The following FAM117A variants were observed in gnomAD, a reference collection of about 807,000 sequenced individuals.
The protein encoded by FAM117A is family with sequence similarity 117 member A.
A neutral mutation model predicts 44.1 loss-of-function variants in FAM117A; 21 were observed. That is an observed-to-expected ratio of 0.48 (90% CI 0.34 to 0.69). FAM117A has a LOEUF of 0.69. Among genes scored for constraint, FAM117A ranks in the 30% least tolerant of loss-of-function variants. FAM117A has a pLI of 0.01. For synonymous variants in FAM117A, 220 were observed against 238.3 expected (o/e 0.92, Z 0.71); for missense variants, 498 against 589.9 (o/e 0.84, Z 1.61).
At position 49,716,283 on chromosome 17, in the gene FAM117A, C is replaced by T. The variant is rs151199188; in HGVS notation, c.943G>A (p.Asp315Asn). Reference sequence around the variant, plus strand: ...GCAAGGACTGGAGATGGGCTGCCATCTTCAAGAAAGGCTGGGTGTCCTGGA... The same window carrying T: ...GCAAGGACTGGAGATGGGCTGCCATTTTCAAGAAAGGCTGGGTGTCCTGGA... ...SSPGHPAFLE[D>N]GSPSPVLAFA... Residue 315 changes from aspartate (D) to asparagine (N), a missense_variant, in exon 7 of 8, where the codon GAT becomes AAT. By Grantham distance (23) the Asp-to-Asn change is conservative (BLOSUM62 1). Transcript: ENST00000240364. 1.9e-4 allele frequency: 299 copies of T among 1,606,058 alleles called. 2 individuals are homozygous for T. The highest frequency in any genetic ancestry group is 1.5e-3 in the Middle Eastern group (9 of 6,024).
chr17:49,742,292 G>T (rs1213660279), intron 1 of FAM117A, among the ~76,000 whole-genome samples: 1 of 152,150 alleles, frequency 6.6e-6, no homozygotes, highest in Non-Finnish European at 1.5e-5. Flanking sequence ...ATATCTGTAG[G>T]CAGCTGGAGA....
chr17:49,763,848 C>T (rs1037022488), intron 1 of FAM117A, 44 bp downstream of exon 1: 7 of 1,102,430 alleles, frequency 6.3e-6, no homozygotes, highest in African/African-American at 4.9e-5. Context: ...GCCCCCCCTC[C>T]CCCAATGGCT....
chr17:49,710,852 C>T lies in FAM117A; in HGVS notation c.*403G>A, dbSNP rs2143680696. ...GGATGGGGGATCTATCTTATGGTCT[C>T]CTGGAGGAGAGGGAAGGAAATCTGT... On this transcript the variant is annotated 3_prime_UTR_variant, in exon 8 of 8. Transcript: ENST00000240364. 6.0e-6 allele frequency: 1 copy of T among 168,028 alleles called. No homozygotes were observed. Among genetic ancestry groups the T allele is most frequent in the South Asian group, 1.4e-4 (1 of 7,278 alleles). 10.4% of individuals were successfully genotyped at this position (168,028 alleles called of 1,614,324 possible).
chr17:49,746,601 T>C (rs976924410), intron 1 of FAM117A, among the ~76,000 whole-genome samples: 2 of 152,206 alleles, frequency 1.3e-5, no homozygotes, highest in African/African-American at 2.4e-5. Context: ...ACCAAGACTA[T>C]AGGCAGAATT....
intron 1 of FAM117A, among the ~76,000 whole-genome samples, chr17:49,780,627 C>T (rs2073786942): frequency 6.6e-6 from 1 of 152,162 alleles, no homozygotes; most frequent in Admixed American, 6.5e-5. Context: ...GTCTCAGCCT[C>T]CGAAAAGTGC....
intron 1 of FAM117A, among the ~76,000 whole-genome samples, chr17:49,740,338 C>T (rs1329451387): frequency 6.6e-6 from 1 of 152,050 alleles, no homozygotes; most frequent in South Asian, 2.1e-4. Context: ...CAAGCTCCGC[C>T]TCCCGGGTTC....
rs1437773608 is a variant in FAM117A at position 49,711,303 on chromosome 17, G to T, written c.1314C>A (p.Thr438=). ...SPLPFEPWQR[T]PPSEEPVLFQ... ...AAAGCACAGGCTCTTCTGATGGTGG[G>T]GTGCGCTGCCATGGCTCGAATGGCA... is the stretch of plus-strand genomic sequence containing the variant. The change falls in exon 8 of 8, where the codon ACC becomes ACA. Residue 438 remains threonine (T), a synonymous_variant. Coordinates refer to ENST00000240364, the MANE Select transcript of FAM117A (RefSeq NM_030802.4). 1.2e-6 allele frequency: 2 copies of T among 1,610,322 alleles called. No individual in the cohort carries two copies. Among genetic ancestry groups the T allele is most frequent in the Admixed American group, 3.3e-5 (2 of 59,782 alleles).
intron 1 of FAM117A, among the ~76,000 whole-genome samples, chr17:49,783,250 A>C (rs1598040425): frequency 1.3e-5 from 2 of 152,198 alleles, no homozygotes; most frequent in Non-Finnish European, 2.9e-5. Flanking sequence ...GCCCCATAGA[A>C]TATGGAAAAG....
chr17:49,772,291 C>CAA (rs71146935), intron 1 of FAM117A, among the ~76,000 whole-genome samples: 2 of 136,730 alleles, frequency 1.5e-5, no homozygotes, highest in South Asian at 2.3e-4. Context: ...AACTCCACCT[C>CAA]AAAAAAAAAA....
intron 1 of FAM117A, chr17:49,773,465 C>CAAAAAAA (rs969807260): frequency 4.6e-5 from 3 of 64,606 alleles, no homozygotes; most frequent in Non-Finnish European, 6.8e-5. Context: ...AGACTCCAAC[C>CAAAAAAA]AAAAAAAAAA....
intron 6 of FAM117A, among the ~76,000 whole-genome samples, chr17:49,717,073 A>G (rs79162122): frequency 0.047 from 7,128 of 152,252 alleles, 198 homozygotes; most frequent in African/African-American, 0.078. Context: ...TTGGAGTAAA[A>G]AAAAAAAATG....
chr17:49,769,478 C>T (rs1422794935), intron 1 of FAM117A, among the ~76,000 whole-genome samples: 1 of 151,918 alleles, frequency 6.6e-6, no homozygotes, highest in Non-Finnish European at 1.5e-5. Context: ...GCAGGTGGAT[C>T]ACGAGGTCAG....
intron 1 of FAM117A, among the ~76,000 whole-genome samples, chr17:49,746,781 G>T (rs1376447138): frequency 6.6e-6 from 1 of 152,238 alleles, no homozygotes; most frequent in Non-Finnish European, 1.5e-5. Flanking sequence ...AGGGTAGCTT[G>T]ATCCCAAGGG....
intron 1 of FAM117A, among the ~76,000 whole-genome samples, chr17:49,775,810 G>A (rs1357799838): frequency 6.6e-6 from 1 of 152,132 alleles, no homozygotes; most frequent in Non-Finnish European, 1.5e-5. Flanking sequence ...TATCACACAA[G>A]TTGGCACCTT....
At chr17:49,758,194 T>C (rs1239251140) in intron 1 of FAM117A, among the ~76,000 whole-genome samples, 1 of 151,132 alleles carries the variant, frequency 6.6e-6, no homozygotes, top group Non-Finnish European at 1.5e-5. Flanking sequence ...TAGCTGGGCA[T>C]GGTGGTGCGT....
At chr17:49,786,236 T>G (rs757634529) in intron 1 of FAM117A, among the ~76,000 whole-genome samples, 5 of 152,230 alleles carry the variant, frequency 3.3e-5, no homozygotes, top group Non-Finnish European at 7.3e-5. Flanking sequence ...CTGTAAACTC[T>G]TTAGTGTCAG....
At chr17:49,720,005 A>T in intron 4 of FAM117A, 111 bp from the exon 5 acceptor site, 1 of 1,422,234 alleles carries the variant, frequency 7.0e-7, no homozygotes, top group Non-Finnish European at 9.3e-7. Flanking sequence ...GAGTGAATGA[A>T]GGGTGATTTG....
Position 49,716,150 on chromosome 17 carries a change from ACT to A in FAM117A, c.1061+13_1061+14del. Reference sequence around the variant, plus strand: ...CACCCTCCCCTCCCACACCCTGTCCACTTGGTGTACTCACGTGGCTTCTTCAA... The same window carrying A: ...CACCCTCCCCTCCCACACCCTGTCCATGGTGTACTCACGTGGCTTCTTCAA... On this transcript the variant is annotated intron_variant, in intron 7 of 7. Transcript: ENST00000240364. 6.6e-7 allele frequency: 1 copy of A among 1,505,108 alleles called. No individual in the cohort carries two copies. The allele number at this position is 1,505,108 out of a possible 1,614,324, so 93.2% of individuals were successfully genotyped here. A position where few individuals can be genotyped will look rare whatever the true frequency, so the allele number is the denominator to read the frequency against.
At chr17:49,729,097 T>G (rs2073573297) in intron 2 of FAM117A, among the ~76,000 whole-genome samples, 1 of 152,250 alleles carries the variant, frequency 6.6e-6, no homozygotes, top group Admixed American at 6.5e-5. Context: ...TGAGAGCTTT[T>G]CGCTCCATCT....
Sources: gnomAD v4.1 joint callset for allele counts (sites outside exome capture counted in the v4.1 genomes callset) on GRCh38, gnomAD v4.1.1 for gene constraint, MANE v1.5 for transcripts, NCBI Gene and HGNC (gene_info 2026-07-23, HGNC 2026-07-21) for gene names.